Variants in BRF1 observed in about 807,000 individuals in gnomAD.
BRF1 encodes transcription factor IIIB 90 kDa subunit.
A neutral mutation model predicts 81.7 loss-of-function variants in BRF1; 59 were observed. The ratio of observed to expected loss-of-function variants is 0.72; its 90% CI spans 0.59 to 0.90. The LOEUF (loss-of-function observed/expected upper bound fraction) is 0.90. Among genes scored for constraint, BRF1 ranks in the 40% least tolerant of loss-of-function variants. BRF1 has a pLI of 0.00. For synonymous variants in BRF1, 491 were observed against 395.6 expected (o/e 1.24, Z -2.86); for missense variants, 1,050 against 936.3 (o/e 1.12, Z -1.58).
intron 12 of BRF1, 41 bp from the exon 13 acceptor site, chr14:105,219,273 G>A (rs751620065): frequency 4.2e-5 from 68 of 1,602,920 alleles, no homozygotes; most frequent in South Asian, 5.5e-5. Context: ...TTTAGCCTTC[G>A]CACACCGGGG....
In BRF1 at chr14:105,261,566, T is replaced by C. The variant is rs182503869; in HGVS notation, c.440-5017A>G. Among the ~76,000 whole-genome samples the C allele has an allele frequency of 2.4e-3, 363 of 152,250 alleles. 11 individuals are homozygous for C. The South Asian group carries it at 0.047, about 20-fold the overall frequency. On this transcript the variant is annotated intron_variant, in intron 3 of 17. Transcript: ENST00000547530. ...GGTCCTGACTCAGACACACTTTCCTTACATGGAAAAGTTTACAGAGATTTA... is the reference window on the plus strand; with the variant it reads ...GGTCCTGACTCAGACACACTTTCCTCACATGGAAAAGTTTACAGAGATTTA...
chr14:105,279,906 G>A (rs1463769738), intron 2 of BRF1, among the ~76,000 whole-genome samples: 4 of 152,202 alleles, frequency 2.6e-5, no homozygotes, highest in Non-Finnish European at 4.4e-5. Flanking sequence ...AAAACAGCAC[G>A]TTCTAGAACG....
intron 1 of BRF1, among the ~76,000 whole-genome samples, chr14:105,295,189 G>A (rs1240218630): frequency 6.6e-6 from 1 of 151,162 alleles, no homozygotes; most frequent in Non-Finnish European, 1.5e-5. Flanking sequence ...ATCCGGCGCT[G>A]AGCAAAGCAG....
At chr14:105,245,298 T>A (rs781240725) in intron 5 of BRF1, among the ~76,000 whole-genome samples, 5 of 151,344 alleles carry the variant, frequency 3.3e-5, no homozygotes, top group Admixed American at 1.3e-4. Context: ...GAGGTGGAGG[T>A]TGCAGTGAGC....
intron 5 of BRF1, chr14:105,248,105 C>A (rs994193535): frequency 1.0e-6 from 1 of 985,454 alleles, no homozygotes; most frequent in African/African-American, 1.7e-5. Context: ...GAGGAAAATG[C>A]CGGGAAATAG....
intron 1 of BRF1, among the ~76,000 whole-genome samples, chr14:105,299,718 T>C (rs2057902532): frequency 6.6e-6 from 1 of 152,208 alleles, no homozygotes; most frequent in Non-Finnish European, 1.5e-5. Context: ...ACACACCTGT[T>C]AGAACAACCG....
chr14:105,268,467 G>C (rs2056518566), intron 3 of BRF1, among the ~76,000 whole-genome samples: 1 of 152,250 alleles, frequency 6.6e-6, no homozygotes, highest in Admixed American at 6.5e-5. Flanking sequence ...TCAGCCACCA[G>C]GCTACGGGGC....
At chr14:105,229,704 G>T (rs587686663) in intron 6 of BRF1, among the ~76,000 whole-genome samples, 5 of 133,042 alleles carry the variant, frequency 3.8e-5, no homozygotes, top group Non-Finnish European at 8.1e-5. Context: ...TCTCAGGAGA[G>T]AGAGGCCACA....
At chr14:105,223,098 T>C (rs1442946618) in intron 10 of BRF1, among the ~76,000 whole-genome samples, 4 of 152,018 alleles carry the variant, frequency 2.6e-5, no homozygotes, top group African/African-American at 9.7e-5. Context: ...GAGGCTGAGA[T>C]GGGAGGGTTG....
intron 3 of BRF1, among the ~76,000 whole-genome samples, chr14:105,258,582 G>C (rs933327237): frequency 6.7e-6 from 1 of 150,278 alleles, no homozygotes; most frequent in Non-Finnish European, 1.5e-5. Context: ...AGGATCACCT[G>C]AGGTCAGGAG....
intron 3 of BRF1, among the ~76,000 whole-genome samples, chr14:105,267,268 G>A (rs928994717): frequency 5.9e-5 from 9 of 152,062 alleles, no homozygotes; most frequent in Non-Finnish European, 7.4e-5. Context: ...TGGGTGTGCC[G>A]GTGTTTCCAG....
Position 105,289,183 on chromosome 14 carries a change from C to CA in BRF1, c.185-2808dup, listed in dbSNP as rs909587846. ...ACAACATAGCAAGATCCCATCTCTA[C>CA]AAAAAAAAAATGAGCGGGGTATGGT... On this transcript the variant is annotated intron_variant, in intron 1 of 17. Transcript: ENST00000547530. 4.9e-3 allele frequency among the ~76,000 whole-genome samples: 721 copies of CA among 147,756 alleles called. 4 individuals carry two copies. The highest frequency in any genetic ancestry group is 0.014 in the African/African-American group (579 of 40,396).
rs587687511 is a variant in BRF1, at chr14:105,229,252, G to C, written c.695-339C>G. On this transcript the variant is annotated intron_variant, in intron 6 of 17. Transcript: ENST00000547530. ...TTGTGATGGGAGCTGGGGACTCTGA[G>C]GATGCGGAGCCAGGCTGGGCAGGAA... Among the ~76,000 whole-genome samples, 10 of 152,360 alleles carry C rather than the reference G, an allele frequency of 6.6e-5. No individual in the cohort carries two copies. In the East Asian group the frequency reaches 1.9e-3, roughly 29 times the overall value.
rs1475849866 is a variant in BRF1 at position 105,215,748 on chromosome 14, GAC to G, written c.1772+1794_1772+1795del. 2.0e-4 allele frequency among the ~76,000 whole-genome samples: 23 copies of G among 115,522 alleles called. 2 individuals are homozygous for G. The highest frequency in any genetic ancestry group is 8.2e-4 in the South Asian group (3 of 3,658). 75.8% of individuals were successfully genotyped at this position (115,522 alleles called of 152,430 possible). On this transcript the variant is annotated intron_variant, in intron 15 of 17. Transcript: ENST00000547530. ...TGCACACACACACACTGCATACACA[GAC>G]ACAGGCACATACACATGCACACACA...
chr14:105,244,567 CG>C, intron 5 of BRF1, among the ~76,000 whole-genome samples: 1 of 151,954 alleles, frequency 6.6e-6, no homozygotes, highest in East Asian at 1.9e-4. Flanking sequence ...CAGAGCGGCA[CG>C]GGACAGGCAT....
Position 105,314,136 on chromosome 14 carries a change from GGCCACCTCCTT to G in BRF1, c.-162+1175_-162+1185del, listed in dbSNP as rs1189506016. Among the ~76,000 whole-genome samples the G allele has an allele frequency of 9.7e-4, 148 of 152,310 alleles. 1 individual carries two copies. The highest frequency in any genetic ancestry group is 4.4e-5 in the Non-Finnish European group (3 of 68,014). ...AGTCCCCGCGACCGCCGCCAGGCCC[GGCCACCTCCTT>G]GCCACCTCCCTGCGTCCCGGGGAAC... On this transcript the variant is annotated intron_variant, in intron 1 of 17. Coordinates refer to the BRF1 transcript ENST00000327359.
chr14:105,288,517 T>A (rs929723626), intron 1 of BRF1, among the ~76,000 whole-genome samples: 1 of 151,404 alleles, frequency 6.6e-6, no homozygotes, highest in East Asian at 2.0e-4. Context: ...TGGCCGGGCA[T>A]GGTGGCTCAC....
chr14:105,215,610 CAG>C (rs143163245), intron 15 of BRF1, among the ~76,000 whole-genome samples: 2,494 of 149,034 alleles, frequency 0.017, 22 homozygotes, highest in African/African-American at 0.024. Flanking sequence ...ACTGCATACA[CAG>C]AAACAGGCAC....
chr14:105,291,261 A>C (rs1357795623), intron 1 of BRF1, among the ~76,000 whole-genome samples: 3 of 152,200 alleles, frequency 2.0e-5, no homozygotes, highest in African/African-American at 7.2e-5. Context: ...ACCGCCGAAC[A>C]GACAGAAAGG....
Sources: allele counts gnomAD v4.1 joint callset (sites outside exome capture counted in the v4.1 genomes callset), GRCh38; gene constraint gnomAD v4.1.1; transcripts MANE v1.5; gene names NCBI Gene and HGNC (gene_info 2026-07-23, HGNC 2026-07-21).